The following ARHGAP31 variants were observed in gnomAD, a reference collection of about 807,000 sequenced individuals.
The protein encoded by ARHGAP31 is rho GTPase-activating protein 31.
A neutral mutation model predicts 113.9 loss-of-function variants in ARHGAP31; 34 were observed. The ratio of observed to expected loss-of-function variants is 0.30; its 90% CI spans 0.23 to 0.40. The LOEUF (loss-of-function observed/expected upper bound fraction) is 0.40, where lower values mean the gene tolerates loss of function less well. Among genes scored for constraint, ARHGAP31 ranks in the 10% least tolerant of loss-of-function variants. The pLI is 1.00. For synonymous variants in ARHGAP31, 650 were observed against 684.8 expected (o/e 0.95, Z 0.79); for missense variants, 1,548 against 1,767.1 (o/e 0.88, Z 2.22).
In ARHGAP31 at chr3:119,334,454, G is replaced by C. The variant is rs561096666; in HGVS notation, c.101-30862G>C. On this transcript the variant is annotated intron_variant, in intron 1 of 11. Coordinates refer to ENST00000264245, the MANE Select transcript of ARHGAP31 (RefSeq NM_020754.4). Reference sequence around the variant, plus strand: ...TCCCTGGTGAGATGCTCTTGACAAAGGCCAAATTTCCCTGTGATTAGGGAG... The same window carrying C: ...TCCCTGGTGAGATGCTCTTGACAAACGCCAAATTTCCCTGTGATTAGGGAG... Among the ~76,000 whole-genome samples the C allele has an allele frequency of 1.1e-4, 16 of 152,330 alleles. No homozygotes were observed. In the South Asian group the frequency reaches 3.3e-3, roughly 32 times the overall value.
intron 6 of ARHGAP31, among the ~76,000 whole-genome samples, chr3:119,386,168 G>A (rs2080446440): frequency 6.6e-6 from 1 of 152,100 alleles, no homozygotes; most frequent in Non-Finnish European, 1.5e-5. Flanking sequence ...ACACAAAATG[G>A]AATAAGCCCT....
chr3:119,388,858 A>G (rs937525123), intron 6 of ARHGAP31, among the ~76,000 whole-genome samples: 3 of 152,210 alleles, frequency 2.0e-5, no homozygotes, highest in African/African-American at 7.2e-5. Flanking sequence ...ATGTAAAGTT[A>G]GAGATGCCTA....
intron 1 of ARHGAP31, among the ~76,000 whole-genome samples, chr3:119,361,011 C>T (rs79256408): frequency 0.032 from 4,837 of 152,298 alleles, 120 homozygotes; most frequent in East Asian, 0.11. Flanking sequence ...AGCTTTCTTT[C>T]TGTCTATAAC....
At chr3:119,400,059 A>G (rs2080586801) in intron 9 of ARHGAP31, among the ~76,000 whole-genome samples, 1 of 152,250 alleles carries the variant, frequency 6.6e-6, no homozygotes, top group Admixed American at 6.5e-5. Context: ...AGCCCCTTTA[A>G]TACAAGACAT....
At chr3:119,340,068 C>A (rs2079994644) in intron 1 of ARHGAP31, among the ~76,000 whole-genome samples, 1 of 152,212 alleles carries the variant, frequency 6.6e-6, no homozygotes, top group Non-Finnish European at 1.5e-5. Flanking sequence ...AACTTTCAAA[C>A]CTCAGCAGTA....
At chr3:119,394,817 A>C (rs2080534431) in intron 8 of ARHGAP31, among the ~76,000 whole-genome samples, 1 of 152,092 alleles carries the variant, frequency 6.6e-6, no homozygotes, top group African/African-American at 2.4e-5. Context: ...AAAAACAACA[A>C]AAGACAATTT....
chr3:119,375,397 T>C (rs533821180), intron 3 of ARHGAP31, among the ~76,000 whole-genome samples: 11 of 152,310 alleles, frequency 7.2e-5, no homozygotes, highest in African/African-American at 2.4e-4. Flanking sequence ...CATTGCCTTT[T>C]CTTCTTCTGT....
At chr3:119,335,125 C>G (rs561268380) in intron 1 of ARHGAP31, among the ~76,000 whole-genome samples, 1 of 152,124 alleles carries the variant, frequency 6.6e-6, no homozygotes, top group Non-Finnish European at 1.5e-5. Context: ...CTAAGCCCAG[C>G]CAACAAAAGT....
chr3:119,308,400 C>T (rs2079649390), intron 1 of ARHGAP31, among the ~76,000 whole-genome samples: 3 of 152,230 alleles, frequency 2.0e-5, no homozygotes, highest in African/African-American at 7.2e-5. Flanking sequence ...TTTCTGGAGG[C>T]TCTGGGGAAG....
At chr3:119,390,525 G>A (rs1376737191) in intron 6 of ARHGAP31, among the ~76,000 whole-genome samples, 3 of 152,250 alleles carry the variant, frequency 2.0e-5, no homozygotes, top group Non-Finnish European at 2.9e-5. Flanking sequence ...GAATGGATGA[G>A]TGAGTGGTCC....
At chr3:119,358,850 G>C (rs79228720) in intron 1 of ARHGAP31, among the ~76,000 whole-genome samples, 10,794 of 152,170 alleles carry the variant, frequency 0.071, 492 homozygotes, top group South Asian at 0.1. Context: ...AGGGGAAATG[G>C]GCAGTAACTA....
At chr3:119,380,627 A>G (rs1559985764) in intron 3 of ARHGAP31, among the ~76,000 whole-genome samples, 1 of 151,848 alleles carries the variant, frequency 6.6e-6, no homozygotes, top group Non-Finnish European at 1.5e-5. Context: ...GATTCTACAC[A>G]TTCTTACCAG....
At chr3:119,297,257 A>T (rs1206967161) in intron 1 of ARHGAP31, among the ~76,000 whole-genome samples, 3 of 152,208 alleles carry the variant, frequency 2.0e-5, no homozygotes, top group African/African-American at 7.2e-5. Context: ...GGTTTTCTCT[A>T]AAGTAATGTT....
chr3:119,356,840 C>T (rs1343377876), intron 1 of ARHGAP31, among the ~76,000 whole-genome samples: 1 of 152,118 alleles, frequency 6.6e-6, no homozygotes, highest in Non-Finnish European at 1.5e-5. Flanking sequence ...ATTATGAAAA[C>T]TGTTGTAATG....
At chr3:119,409,124 C>T (rs933748074) in intron 10 of ARHGAP31, among the ~76,000 whole-genome samples, 11 of 152,160 alleles carry the variant, frequency 7.2e-5, no homozygotes, top group African/African-American at 2.7e-4. Flanking sequence ...TATTTAGCAG[C>T]ATCCATGGCT....
intron 3 of ARHGAP31, among the ~76,000 whole-genome samples, chr3:119,376,206 G>C (rs1349725796): frequency 1.3e-5 from 2 of 152,144 alleles, no homozygotes; most frequent in African/African-American, 2.4e-5. Flanking sequence ...ATGTCCCTTA[G>C]GGCCAGGCTT....
intron 1 of ARHGAP31, among the ~76,000 whole-genome samples, chr3:119,300,245 A>G (rs2079569398): frequency 6.6e-6 from 1 of 152,220 alleles, no homozygotes; most frequent in African/African-American, 2.4e-5. Context: ...AACAGAGGGC[A>G]AGCACATGGT....
chr3:119,413,363 T>C (rs2080735793), intron 11 of ARHGAP31, among the ~76,000 whole-genome samples: 1 of 151,932 alleles, frequency 6.6e-6, no homozygotes, highest in African/African-American at 2.4e-5. Flanking sequence ...TATTTACTTA[T>C]TTGGAAAGCA....
chr3:119,395,668 G>A (rs1530687), intron 8 of ARHGAP31, among the ~76,000 whole-genome samples: 69,893 of 151,978 alleles, frequency 0.46, 17,537 homozygotes, highest in Non-Finnish European at 0.53. Context: ...CACATGGTTC[G>A]GTCCCTGTTG....
Sources: allele counts gnomAD v4.1 joint callset (sites outside exome capture counted in the v4.1 genomes callset), GRCh38; gene constraint gnomAD v4.1.1; transcripts MANE v1.5; gene names NCBI Gene and HGNC (gene_info 2026-07-23, HGNC 2026-07-21).